CD44: variants seen among roughly 807,000 people sequenced by gnomAD.
CD44 encodes CD44 molecule (IN blood group).
Under a neutral mutation model 88.8 loss-of-function variants are expected in CD44, and 49 were observed. That is an observed-to-expected ratio of 0.55 (90% CI 0.44 to 0.70). The LOEUF (loss-of-function observed/expected upper bound fraction) is 0.70. CD44 is among the 30% of genes least tolerant of loss of function. The probability of loss-of-function intolerance (pLI) is 0.00; values close to 1 mark genes in which losing one functional copy is unlikely to be tolerated. For missense variants in CD44, 883 were observed against 913.8 expected (o/e 0.97, Z 0.43); for synonymous variants, 325 against 312.3 (o/e 1.04, Z -0.43).
chr11:35,167,576 T>G (rs1159511717), intron 1 of CD44, among the ~76,000 whole-genome samples: 1 of 152,334 alleles, frequency 6.6e-6, no homozygotes, highest in East Asian at 1.9e-4. Flanking sequence ...GGCTTTTTAA[T>G]GATAAACACT....
intron 1 of CD44, among the ~76,000 whole-genome samples, chr11:35,152,021 G>A (rs941124201): frequency 2.6e-5 from 4 of 152,206 alleles, no homozygotes; most frequent in African/African-American, 7.2e-5. Context: ...CCGTGGTGGC[G>A]ACAGGAGGAA....
intron 5 of CD44, among the ~76,000 whole-genome samples, chr11:35,192,518 C>T (rs1946362256): frequency 6.6e-6 from 1 of 152,206 alleles, no homozygotes; most frequent in Non-Finnish European, 1.5e-5. Context: ...AAGAGGAGTG[C>T]TGGCTGAGAG....
At chr11:35,171,029 G>A (rs1187252383) in intron 1 of CD44, among the ~76,000 whole-genome samples, 1 of 152,132 alleles carries the variant, frequency 6.6e-6, no homozygotes, top group African/African-American at 2.4e-5. Context: ...ATGTTTTAAG[G>A]ATAAAATGAG....
chr11:35,198,219 G>A lies in CD44; in HGVS notation c.895G>A (p.Asp299Asn). 1 of 1,613,970 alleles carries A rather than the reference G, an allele frequency of 6.2e-7. No individual in the cohort carries two copies. The highest frequency in any genetic ancestry group is 8.5e-7 in the Non-Finnish European group (1 of 1,179,856). Residue 299 changes from aspartate (D) to asparagine (N), a missense_variant, in exon 7 of 18, where the codon GAT becomes AAT. By Grantham distance (23) the Asp-to-Asn change is conservative. Around this residue, in one of 2 missense-constraint regions of CD44, gnomAD observed 631 missense variants for 590.9 expected, o/e 1.07. Transcript: ENST00000428726. The part of the protein sequence containing the change: ...HLSFSGSGID[D>N]DEDFISSTIS... ...CAGTTTTTCTGGATCAGGCATTGATGATGATGAAGATTTTATCTCCAGCAC... is the reference window on the plus strand; with the variant it reads ...CAGTTTTTCTGGATCAGGCATTGATAATGATGAAGATTTTATCTCCAGCAC...
chr11:35,159,991 G>A (rs1426339878), intron 1 of CD44, among the ~76,000 whole-genome samples: 1 of 152,274 alleles, frequency 6.6e-6, no homozygotes, highest in Non-Finnish European at 1.5e-5. Flanking sequence ...CTCTTGGGAG[G>A]CATCTTCAGG....
intron 16 of CD44, among the ~76,000 whole-genome samples, chr11:35,220,115 C>T (rs1388357386): frequency 6.6e-6 from 1 of 152,238 alleles, no homozygotes; most frequent in Non-Finnish European, 1.5e-5. Context: ...GACTGAGCCT[C>T]TCTTGGGGAA....
chr11:35,218,146 T>C (rs1049107567), intron 15 of CD44, among the ~76,000 whole-genome samples: 1 of 152,126 alleles, frequency 6.6e-6, no homozygotes, highest in Non-Finnish European at 1.5e-5. Context: ...CCTCCAGTTC[T>C]GACTTGAGGA....
At chr11:35,187,729 G>C (rs369853779) in intron 4 of CD44, among the ~76,000 whole-genome samples, 16 of 152,096 alleles carry the variant, frequency 1.1e-4, no homozygotes, top group African/African-American at 1.9e-4. Flanking sequence ...GCCCTAATTA[G>C]CAATTTTCTG....
chr11:35,145,383 A>G (rs1189776364), intron 1 of CD44, among the ~76,000 whole-genome samples: 1 of 152,210 alleles, frequency 6.6e-6, no homozygotes, highest in Non-Finnish European at 1.5e-5. Flanking sequence ...AGTGAGAACC[A>G]TGGTGATGGC....
At chr11:35,189,553 A>G (rs1946063741) in intron 4 of CD44, among the ~76,000 whole-genome samples, 1 of 152,192 alleles carries the variant, frequency 6.6e-6, no homozygotes, top group African/African-American at 2.4e-5. Flanking sequence ...CAAATGAGGA[A>G]ACTGAAGCTC....
At chr11:35,176,917 C>T (rs1944519778) in intron 2 of CD44, 177 bp downstream of exon 2, 1 of 585,544 alleles carries the variant, frequency 1.7e-6, no homozygotes, top group African/African-American at 1.9e-5. Flanking sequence ...AGTTTAAAGT[C>T]AGCTAAAGAC....
chr11:35,158,605 T>A (rs1456483719), intron 1 of CD44, among the ~76,000 whole-genome samples: 1 of 152,186 alleles, frequency 6.6e-6, no homozygotes, highest in East Asian at 1.9e-4. Flanking sequence ...ACTTGGGGCC[T>A]CTCCATTCAC....
At chr11:35,191,536 T>A (rs1178221365) in intron 5 of CD44, among the ~76,000 whole-genome samples, 2 of 152,216 alleles carry the variant, frequency 1.3e-5, no homozygotes, top group Non-Finnish European at 2.9e-5. Context: ...GGGTTCCCTG[T>A]CTTTTTAAAG....
intron 11 of CD44, among the ~76,000 whole-genome samples, chr11:35,207,296 T>C (rs1391311952): frequency 6.6e-6 from 1 of 152,242 alleles, no homozygotes; most frequent in African/African-American, 2.4e-5. Flanking sequence ...GGTGCTTCAC[T>C]GGGACTGATT....
chr11:35,182,365 G>A (rs1945232475), intron 3 of CD44, among the ~76,000 whole-genome samples: 1 of 151,994 alleles, frequency 6.6e-6, no homozygotes, highest in East Asian at 1.9e-4. Context: ...GAAATGGAGT[G>A]CGTGAAGCCA....
intron 1 of CD44, among the ~76,000 whole-genome samples, chr11:35,158,527 C>A (rs554155242): frequency 3.3e-5 from 5 of 152,152 alleles, no homozygotes; most frequent in African/African-American, 7.2e-5. Flanking sequence ...AGACTTGAAA[C>A]CCTTGATAGA....
In CD44 at chr11:35,229,205, G is replaced by A. The variant is rs369496409; in HGVS notation, c.2101G>A (p.Gly701Arg). 24 of 1,613,950 alleles carry A rather than the reference G, an allele frequency of 1.5e-5. No individual in the cohort carries two copies. The African/African-American group carries it at 1.7e-4, about 12-fold the overall frequency. ...GGACAGAAAGCCAAGTGGACTCAAC[G>A]GAGAGGCCAGCAAGTCTCAGGAAAT... ...VEDRKPSGLNGEASKSQEMVH... is the reference protein window; with the variant it reads ...VEDRKPSGLNREASKSQEMVH... The change falls in exon 18 of 18, where the codon GGA becomes AGA. Residue 701 changes from glycine (G) to arginine (R), a missense_variant. Physicochemically the swap from Gly to Arg is moderately radical, Grantham distance 125 (BLOSUM62 -2). Transcript: ENST00000428726.
At chr11:35,148,085 C>A (rs529811279) in intron 1 of CD44, among the ~76,000 whole-genome samples, 1 of 150,832 alleles carries the variant, frequency 6.6e-6, no homozygotes, top group East Asian at 1.9e-4. Context: ...GAGCGAAACT[C>A]GGTCTCAAAA....
intron 1 of CD44, among the ~76,000 whole-genome samples, chr11:35,159,193 G>A (rs1942288038): frequency 6.6e-6 from 1 of 152,188 alleles, no homozygotes; most frequent in South Asian, 2.1e-4. Context: ...CAGCTTCTGA[G>A]TGCATAAAGT....
Sources: allele counts gnomAD v4.1 joint callset (sites outside exome capture counted in the v4.1 genomes callset), GRCh38; gene constraint gnomAD v4.1.1; regional missense constraint gnomAD v4.1.1; transcripts MANE v1.5; gene names NCBI Gene and HGNC (gene_info 2026-07-23, HGNC 2026-07-21).